ATF7IP: variants seen among roughly 807,000 people sequenced by gnomAD.
ATF7IP encodes the protein activating transcription factor 7 interacting protein, also known as activating transcription factor 7-interacting protein 1.
ATF7IP carries 23 observed loss-of-function variants against 106.4 expected under a neutral mutation model. That is an observed-to-expected ratio of 0.22 (90% CI 0.16 to 0.31). ATF7IP has a LOEUF of 0.31. ATF7IP is among the 10% of genes least tolerant of loss of function. The probability of loss-of-function intolerance (pLI) is 1.00; values close to 1 mark genes in which losing one functional copy is unlikely to be tolerated. For missense variants in ATF7IP, 1,334 were observed against 1,524.3 expected (o/e 0.88, Z 2.08); for synonymous variants, 542 against 539.0 (o/e 1.01, Z -0.08).
intron 1 of ATF7IP, among the ~76,000 whole-genome samples, chr12:14,419,646 T>G (rs1941385925): frequency 6.6e-6 from 1 of 152,144 alleles, no homozygotes; most frequent in Non-Finnish European, 1.5e-5. Context: ...CAGAAAATTT[T>G]GCAGTTAGCA....
Position 14,428,681 on chromosome 12 carries a change from A to G in ATF7IP, c.1558+3208A>G, listed in dbSNP as rs74821529. Among the ~76,000 whole-genome samples the G allele has an allele frequency of 8.5e-5, 13 of 152,316 alleles. No homozygotes were observed. In the East Asian group the frequency reaches 1.9e-3, roughly 23 times the overall value. On this transcript the variant is annotated intron_variant, in intron 2 of 14. Coordinates refer to ENST00000261168, the MANE Select transcript of ATF7IP (RefSeq NM_018179.5). ...CTCTTCCTTCTAGCTACTAACATCT[A>G]TGAGTGTAGTAAAAGGAAAATAGCA...
At chr12:14,471,362 CTA>C (rs1944037410) in intron 10 of ATF7IP, among the ~76,000 whole-genome samples, 1 of 152,204 alleles carries the variant, frequency 6.6e-6, no homozygotes, top group East Asian at 1.9e-4. Flanking sequence ...TTATCTATTA[CTA>C]AGAGTGGTAT....
intron 1 of ATF7IP, among the ~76,000 whole-genome samples, chr12:14,416,686 A>G (rs1386092723): frequency 6.6e-6 from 1 of 152,300 alleles, no homozygotes; most frequent in Admixed American, 6.5e-5. Context: ...TATATTCCTA[A>G]TGTTTCCATT....
intron 1 of ATF7IP, among the ~76,000 whole-genome samples, chr12:14,371,504 C>G (rs1296343996): frequency 6.6e-6 from 1 of 151,862 alleles, no homozygotes; most frequent in Non-Finnish European, 1.5e-5. Context: ...GGTTTCTAGA[C>G]TATAACAGAT....
chr12:14,467,786 A>T (rs1214446436), intron 10 of ATF7IP, among the ~76,000 whole-genome samples: 3 of 151,898 alleles, frequency 2.0e-5, no homozygotes, highest in African/African-American at 7.3e-5. Context: ...ATCTAATATG[A>T]TAGCCACTAG....
At chr12:14,436,287 A>G (rs1176248391) in intron 4 of ATF7IP, 36 bp downstream of exon 4, 4 of 1,554,522 alleles carry the variant, frequency 2.6e-6, no homozygotes, top group Non-Finnish European at 2.6e-6. Flanking sequence ...ACCATATTGA[A>G]TAAATAGCAC....
intron 10 of ATF7IP, among the ~76,000 whole-genome samples, chr12:14,472,552 C>T (rs1044348514): frequency 6.6e-6 from 1 of 152,064 alleles, no homozygotes; most frequent in African/African-American, 2.4e-5. Flanking sequence ...TTCCTGAAAC[C>T]ACCCTGGTCC....
intron 1 of ATF7IP, chr12:14,385,481 G>A: frequency 7.7e-7 from 1 of 1,301,172 alleles, no homozygotes; most frequent in Non-Finnish European, 1.1e-6. Context: ...TTTACTTAGA[G>A]GGGTGAACTT....
At chr12:14,465,446 G>A (rs1943795502) in intron 9 of ATF7IP, among the ~76,000 whole-genome samples, 1 of 151,786 alleles carries the variant, frequency 6.6e-6, no homozygotes, top group African/African-American at 2.4e-5. Context: ...AACATCAGTA[G>A]CCTAAAATTA....
chr12:14,497,394 CT>C (rs1039438854), intron 14 of ATF7IP, among the ~76,000 whole-genome samples: 26 of 152,148 alleles, frequency 1.7e-4, no homozygotes, highest in African/African-American at 6.3e-4. Context: ...TCAGCAGGGG[CT>C]TTTTATTTCC....
intron 1 of ATF7IP, chr12:14,367,196 A>G (rs1468086526): frequency 6.6e-6 from 1 of 152,178 alleles, no homozygotes; most frequent in Non-Finnish European, 1.5e-5. Flanking sequence ...CTACTGTCAA[A>G]TGAAGACGTG....
chr12:14,446,534 CT>C (rs1458479307), intron 5 of ATF7IP, among the ~76,000 whole-genome samples: 2 of 152,216 alleles, frequency 1.3e-5, no homozygotes, highest in Non-Finnish European at 2.9e-5. Context: ...TTCATTTACA[CT>C]TCTGTTGAAA....
chr12:14,441,656 A>G (rs1317450782), intron 5 of ATF7IP, among the ~76,000 whole-genome samples: 3 of 151,612 alleles, frequency 2.0e-5, no homozygotes, highest in Admixed American at 6.6e-5. Context: ...CGCCCGGCCA[A>G]TTTTTTGTAT....
At chr12:14,432,191 T>G (rs903295630) in intron 2 of ATF7IP, among the ~76,000 whole-genome samples, 1 of 152,208 alleles carries the variant, frequency 6.6e-6, no homozygotes, top group Non-Finnish European at 1.5e-5. Context: ...GTCACTCTAA[T>G]TGGAGCCATG....
At chr12:14,416,378 C>G (rs1941207647) in intron 1 of ATF7IP, among the ~76,000 whole-genome samples, 1 of 152,084 alleles carries the variant, frequency 6.6e-6, no homozygotes, top group African/African-American at 2.4e-5. Flanking sequence ...TACTCTCAGG[C>G]AACAGCATGA....
chr12:14,381,358 G>A (rs1328739247), intron 1 of ATF7IP, among the ~76,000 whole-genome samples: 1 of 152,036 alleles, frequency 6.6e-6, no homozygotes, highest in Admixed American at 6.6e-5. Flanking sequence ...GAGCCTCCCT[G>A]AGTAGCTGGG....
At chr12:14,396,534 A>G (rs1296341728) in intron 1 of ATF7IP, among the ~76,000 whole-genome samples, 1 of 152,142 alleles carries the variant, frequency 6.6e-6, no homozygotes, top group Non-Finnish European at 1.5e-5. Flanking sequence ...TGACAAAATG[A>G]TGATAGTAGA....
At chr12:14,414,439 T>A (rs1941091073) in intron 1 of ATF7IP, among the ~76,000 whole-genome samples, 1 of 152,232 alleles carries the variant, frequency 6.6e-6, no homozygotes, top group Admixed American at 6.5e-5. Context: ...AAACACAAAT[T>A]TGTAAACTTT....
intron 14 of ATF7IP, 36 bp downstream of exon 14, chr12:14,496,379 C>A: frequency 7.4e-7 from 1 of 1,345,710 alleles, no homozygotes. Flanking sequence ...AAATTCTCAA[C>A]TGTAGAGGTA....
Sources: allele counts gnomAD v4.1 joint callset (sites outside exome capture counted in the v4.1 genomes callset), GRCh38; gene constraint gnomAD v4.1.1; transcripts MANE v1.5; gene names NCBI Gene and HGNC (gene_info 2026-07-23, HGNC 2026-07-21).